WWOX: variants seen among roughly 807,000 people sequenced by gnomAD.
WWOX encodes the protein WW domain containing oxidoreductase, also known as WW domain-containing oxidoreductase.
Under a neutral mutation model 46.2 loss-of-function variants are expected in WWOX, and 69 were observed. The observed-to-expected ratio is 1.49, with a 90% CI of 1.23 to 1.82. The LOEUF is 1.82. Among genes scored for constraint, WWOX ranks in the 40% most tolerant of loss-of-function variants. The pLI, the probability that WWOX is intolerant of heterozygous loss-of-function variation, is 0.00. For synonymous variants in WWOX, 359 were observed against 202.6 expected (o/e 1.77, Z -6.56); for missense variants, 919 against 542.6 (o/e 1.69, Z -6.89).
rs148729268 is a variant in WWOX, at chr16:78,494,825, G to C, written c.1056+62073G>C. ...AATTACAGTCAAGATCCTATAGCCGGAGGAAGGCCTGTCAATTGAGTAAGA... is the reference window on the plus strand; with the variant it reads ...AATTACAGTCAAGATCCTATAGCCGCAGGAAGGCCTGTCAATTGAGTAAGA... On this transcript the variant is annotated intron_variant, in intron 8 of 8. Coordinates refer to ENST00000566780, the MANE Select transcript of WWOX (RefSeq NM_016373.4). Among the ~76,000 whole-genome samples the C allele has an allele frequency of 1.3e-4, 20 of 152,304 alleles. No individual in the cohort carries two copies. The East Asian group carries it at 3.7e-3, about 28-fold the overall frequency.
At chr16:78,221,634 A>T (rs1402860354) in intron 5 of WWOX, among the ~76,000 whole-genome samples, 1 of 152,204 alleles carries the variant, frequency 6.6e-6, no homozygotes, top group African/African-American at 2.4e-5. Flanking sequence ...AGCCTTCCTC[A>T]TATTTTGGTA....
At chr16:78,920,414 C>G (rs984745160) in intron 8 of WWOX, among the ~76,000 whole-genome samples, 1 of 152,102 alleles carries the variant, frequency 6.6e-6, no homozygotes, top group African/African-American at 2.4e-5. Flanking sequence ...TCTTGCTGTC[C>G]CAAGTCCTAA....
intron 5 of WWOX, among the ~76,000 whole-genome samples, chr16:78,332,259 T>C (rs2080776325): frequency 6.6e-6 from 1 of 152,214 alleles, no homozygotes; most frequent in Non-Finnish European, 1.5e-5. Context: ...CAGATGGATC[T>C]ACTATTTTAG....
intron 8 of WWOX, among the ~76,000 whole-genome samples, chr16:78,839,940 T>C (rs1388756796): frequency 2.6e-5 from 4 of 152,172 alleles, no homozygotes; most frequent in Admixed American, 2.6e-4. Flanking sequence ...GTTAACCATA[T>C]ATTATTAGCT....
In WWOX at chr16:78,970,330, C is replaced by G. The variant is rs993767226; in HGVS notation, c.1057-241278C>G. ...CACTACAGTGTAAACTCCATTTGGA[C>G]TTTCTCTAGTTCACTGTGAATGGTT... On this transcript the variant is annotated intron_variant, in intron 8 of 8. Coordinates refer to ENST00000566780, the MANE Select transcript of WWOX (RefSeq NM_016373.4). 4.6e-5 allele frequency among the ~76,000 whole-genome samples: 7 copies of G among 152,218 alleles called. No homozygotes were observed. The East Asian group carries it at 1.2e-3, about 25-fold the overall frequency.
intron 8 of WWOX, among the ~76,000 whole-genome samples, chr16:79,132,551 T>G (rs541970989): frequency 1.3e-5 from 2 of 152,320 alleles, no homozygotes; most frequent in African/African-American, 4.8e-5. Flanking sequence ...TTTCTTGATC[T>G]CGATAGCAGC....
At chr16:78,796,244 C>T (rs537506909) in intron 8 of WWOX, among the ~76,000 whole-genome samples, 5 of 152,318 alleles carry the variant, frequency 3.3e-5, no homozygotes, top group African/African-American at 9.6e-5. Flanking sequence ...CAGCAACTGG[C>T]CTCCCATACT....
At chr16:78,344,663 G>C (rs76535848) in intron 5 of WWOX, among the ~76,000 whole-genome samples, 13,892 of 121,104 alleles carry the variant, frequency 0.11, 4,224 homozygotes, top group East Asian at 0.21. Flanking sequence ...TATGTGCTGG[G>C]CACTTAGCTG....
Position 78,163,401 on chromosome 16 carries a change from G to T in WWOX, c.410-782G>T, listed in dbSNP as rs141870358. On this transcript the variant is annotated intron_variant, in intron 4 of 8. Coordinates refer to ENST00000566780, the MANE Select transcript of WWOX (RefSeq NM_016373.4). ...TTAGGATCCCGACCCAAGGTTTGGT[G>T]TGTTTACCGTGGCCCTTTCCTGGTG... Among the ~76,000 whole-genome samples, 963 of 152,290 alleles carry T rather than the reference G, an allele frequency of 6.3e-3. 6 individuals are homozygous for T. The highest frequency in any genetic ancestry group is 0.052 in the South Asian group (251 of 4,822).
At chr16:79,061,194 C>A (rs1044179000) in intron 8 of WWOX, among the ~76,000 whole-genome samples, 1 of 152,170 alleles carries the variant, frequency 6.6e-6, no homozygotes, top group African/African-American at 2.4e-5. Flanking sequence ...AACCCGAAAG[C>A]CTGACTTGAC....
At chr16:78,942,016 C>G (rs1433459869) in intron 8 of WWOX, among the ~76,000 whole-genome samples, 2 of 152,132 alleles carry the variant, frequency 1.3e-5, no homozygotes, top group Non-Finnish European at 2.9e-5. Context: ...TATTGGCGAG[C>G]ATTTCTTTCC....
intron 8 of WWOX, among the ~76,000 whole-genome samples, chr16:78,734,329 G>C (rs142064391): frequency 6.6e-6 from 1 of 152,180 alleles, no homozygotes; most frequent in East Asian, 1.9e-4. Context: ...TCAGATATAA[G>C]CTTAGGAGTC....
At chr16:78,357,194 A>G (rs1321694647) in intron 5 of WWOX, among the ~76,000 whole-genome samples, 4 of 152,116 alleles carry the variant, frequency 2.6e-5, no homozygotes, top group African/African-American at 7.2e-5. Context: ...CTCCTTATGA[A>G]GGGAGTCATA....
At chr16:78,631,119 C>T (rs2046418624) in intron 8 of WWOX, among the ~76,000 whole-genome samples, 1 of 152,254 alleles carries the variant, frequency 6.6e-6, no homozygotes, top group East Asian at 1.9e-4. Context: ...AAATACTATA[C>T]AATTTTATGT....
At chr16:78,563,260 T>C (rs2044481951) in intron 8 of WWOX, among the ~76,000 whole-genome samples, 1 of 152,210 alleles carries the variant, frequency 6.6e-6, no homozygotes, top group Non-Finnish European at 1.5e-5. Context: ...TTTCAGTCTA[T>C]TTTCCTGTGT....
At chr16:78,664,407 C>A (rs184797432) in intron 8 of WWOX, among the ~76,000 whole-genome samples, 66 of 152,290 alleles carry the variant, frequency 4.3e-4, no homozygotes, top group African/African-American at 1.5e-3. Context: ...GGAGAAAAAG[C>A]AGTCACAGCT....
intron 8 of WWOX, among the ~76,000 whole-genome samples, chr16:78,437,457 A>T (rs2083358775): frequency 6.6e-6 from 1 of 152,154 alleles, no homozygotes; most frequent in Non-Finnish European, 1.5e-5. Flanking sequence ...ATCACTTTGA[A>T]ATTAATTAAT....
intron 8 of WWOX, among the ~76,000 whole-genome samples, chr16:78,649,238 G>A (rs2046911734): frequency 6.6e-6 from 1 of 152,194 alleles, no homozygotes; most frequent in Non-Finnish European, 1.5e-5. Flanking sequence ...AACCGCCTCG[G>A]ACTTCCGAAG....
chr16:78,946,375 G>C (rs1166585449), intron 8 of WWOX, among the ~76,000 whole-genome samples: 1 of 152,060 alleles, frequency 6.6e-6, no homozygotes, highest in Non-Finnish European at 1.5e-5. Flanking sequence ...ATTTTTAGTA[G>C]AGACGGGGTT....
Sources: allele counts gnomAD v4.1 joint callset (sites outside exome capture counted in the v4.1 genomes callset), GRCh38; gene constraint gnomAD v4.1.1; transcripts MANE v1.5; gene names NCBI Gene and HGNC (gene_info 2026-07-23, HGNC 2026-07-21).